Variants in CD9 observed in about 807,000 individuals in gnomAD.
CD9 encodes the protein CD9 antigen.
CD9 carries 10 observed loss-of-function variants against 31.4 expected under a neutral mutation model. That is an observed-to-expected ratio of 0.32 (90% confidence interval 0.20 to 0.54). The LOEUF is 0.54. CD9 is among the 20% of genes least tolerant of loss of function. The pLI, the probability that CD9 is intolerant of heterozygous loss-of-function variation, is 0.94. For synonymous variants in CD9, 113 were observed against 114.1 expected, an observed-to-expected ratio of 0.99 and a Z score of 0.06; for missense variants, 259 against 300.1, an observed-to-expected ratio of 0.86 and a Z score of 1.01.
intron 7 of CD9, 97 bp downstream of exon 7, chr12:6,236,372 C>A: frequency 9.3e-7 from 1 of 1,074,224 alleles, no homozygotes. Context: ...GTGCATTTGT[C>A]AACTCACTTT....
rs71450123 is a variant in CD9 at position 6,214,344 on chromosome 12, C to CTTTTTTTTTTT, written c.67-11068_67-11058dup. On this transcript the variant is annotated intron_variant, in intron 1 of 7. Coordinates refer to ENST00000009180, the MANE Select transcript of CD9 (RefSeq NM_001769.4). ...CAACCTGCAACTTGACCATTAGCCT[C>CTTTTTTTTTTT]TTTTTTTTTTTTTTTTTTTTTTTTG... 9.1e-4 allele frequency among the ~76,000 whole-genome samples: 61 copies of CTTTTTTTTTTT among 67,070 alleles called. 5 individuals carry two copies. The highest frequency in any genetic ancestry group is 1.2e-3 in the Non-Finnish European group (44 of 37,910). 44.0% of individuals were successfully genotyped at this position (67,070 alleles called of 152,430 possible). A position where few individuals can be genotyped will look rare whatever the true frequency, so the allele number is the denominator to read the frequency against.
intron 1 of CD9, among the ~76,000 whole-genome samples, chr12:6,215,246 A>G (rs1432624897): frequency 1.3e-5 from 2 of 152,174 alleles, no homozygotes; most frequent in East Asian, 1.9e-4. Flanking sequence ...CCTCCCATCC[A>G]TGCCTTCAGG....
At chr12:6,218,312 AGTTT>A (rs991210961) in intron 1 of CD9, among the ~76,000 whole-genome samples, 1 of 152,130 alleles carries the variant, frequency 6.6e-6, no homozygotes, top group Non-Finnish European at 1.5e-5. Flanking sequence ...AAGAGCACCC[AGTTT>A]GTTTGACCAC....
intron 1 of CD9, among the ~76,000 whole-genome samples, chr12:6,218,249 C>T (rs893997454): frequency 6.6e-6 from 1 of 151,962 alleles, no homozygotes. Flanking sequence ...AGTGTATGGC[C>T]AGTCAGTACA....
Position 6,225,527 on chromosome 12 carries a change from C to T in CD9, c.168C>T (p.Phe56=). The change falls in exon 2 of 8, where the codon TTC becomes TTT. Residue 56 remains phenylalanine, a synonymous_variant. Transcript: ENST00000009180. ...AAACTAATAATAATAATTCCAGCTTCTACACAGGTGAGGGACGGGGAAGGC... is the reference window on the plus strand; with the variant it reads ...AAACTAATAATAATAATTCCAGCTTTTACACAGGTGAGGGACGGGGAAGGC... ...EQETNNNNSS[F]YTGVYILIGA... 6.3e-7 allele frequency: 1 copy of T among 1,597,886 alleles called. No homozygotes were observed. The highest frequency in any genetic ancestry group is 8.6e-7 in the Non-Finnish European group (1 of 1,165,188).
chr12:6,215,597 G>A lies in CD9; in HGVS notation c.67-9829G>A, dbSNP rs79653304. Among the ~76,000 whole-genome samples, 15 of 152,304 alleles carry A rather than the reference G, an allele frequency of 9.8e-5. No individual in the cohort carries two copies. The East Asian group carries it at 2.9e-3, about 29-fold the overall frequency. The stretch of plus-strand genomic sequence containing the variant: ...TGAAGATAAGAATTTCTGAAGGTTT[G>A]AGCACTGCCTTCAGACAGTGGCTCG... On this transcript the variant is annotated intron_variant, in intron 1 of 7. Transcript: ENST00000009180.
At chr12:6,236,892 T>C (rs992740041) in intron 7 of CD9, among the ~76,000 whole-genome samples, 1 of 151,478 alleles carries the variant, frequency 6.6e-6, no homozygotes, top group African/African-American at 2.4e-5. Context: ...GCCTCCTTTC[T>C]TAGTGGTTAT....
intron 2 of CD9, among the ~76,000 whole-genome samples, chr12:6,230,688 G>T (rs1467974132): frequency 1.3e-5 from 2 of 152,210 alleles, no homozygotes; most frequent in African/African-American, 4.8e-5. Context: ...CTTACCCAGT[G>T]CTCCATGCAT....
At position 6,237,700 on chromosome 12, in the gene CD9, C is replaced by T. The variant is rs11568274; in HGVS notation, c.622-63C>T. 2.9e-3 allele frequency: 3,757 copies of T among 1,287,736 alleles called. 82 individuals carry two copies. In the African/African-American group the frequency reaches 0.047, roughly 16 times the overall value. 79.8% of individuals were successfully genotyped at this position (1,287,736 alleles called of 1,614,324 possible). A position where few individuals can be genotyped will look rare whatever the true frequency, so the allele number is the denominator to read the frequency against. On this transcript the variant is annotated intron_variant, in intron 7 of 7. Transcript: ENST00000009180. ...TGGACTGGGTGACCCATGTCTCTCC[C>T]TTTCCCTCAGCCTTCCTTCAGATCA...
chr12:6,236,482 T>C, intron 7 of CD9: 1 of 589,158 alleles, frequency 1.7e-6, no homozygotes, highest in Non-Finnish European at 3.0e-6. Context: ...GTGGAGTATC[T>C]GAGGCTCCCC....
intron 4 of CD9, among the ~76,000 whole-genome samples, chr12:6,234,696 C>T (rs375438085): frequency 6.6e-6 from 1 of 152,224 alleles, no homozygotes; most frequent in South Asian, 2.1e-4. Context: ...ATAGCTGGCA[C>T]GTGCTCCAGA....
intron 1 of CD9, among the ~76,000 whole-genome samples, chr12:6,220,281 TGAACTCGG>T (rs1591970230): frequency 1.3e-5 from 2 of 152,194 alleles, no homozygotes; most frequent in Admixed American, 1.3e-4. Flanking sequence ...TGCACGAGGC[TGAACTCGG>T]GAAACTTGGA....
intron 1 of CD9, among the ~76,000 whole-genome samples, chr12:6,208,795 C>T (rs2136604062): frequency 6.6e-6 from 1 of 152,110 alleles, no homozygotes; most frequent in South Asian, 2.1e-4. Context: ...AACTCCTGAC[C>T]TCAGGTGATC....
At chr12:6,212,732 G>A (rs996558208) in intron 1 of CD9, among the ~76,000 whole-genome samples, 12 of 152,336 alleles carry the variant, frequency 7.9e-5, no homozygotes, top group Admixed American at 6.5e-4. Flanking sequence ...TGTATGGGTT[G>A]TGGGGTAGGT....
intron 1 of CD9, among the ~76,000 whole-genome samples, chr12:6,214,812 T>G (rs1946228079): frequency 6.6e-6 from 1 of 152,046 alleles, no homozygotes; most frequent in Non-Finnish European, 1.5e-5. Context: ...TGTGGGAGCC[T>G]CTCACGGGCC....
chr12:6,235,239 A>G lies in CD9; in HGVS notation c.359A>G (p.Glu120Gly). The change falls in exon 5 of 8, where the codon GAA becomes GGA. Residue 120 changes from glutamate (E) to glycine (G), a missense_variant. Coordinates refer to ENST00000009180, the MANE Select transcript of CD9 (RefSeq NM_001769.4). Reference protein sequence around the residue: ...GYSHKDEVIKEVQEFYKDTYN... With the variant: ...GYSHKDEVIKGVQEFYKDTYN... Reference sequence around the variant, plus strand: ...GTCTGCCCATTGTAGGTGATTAAGGAAGTCCAGGAGTTTTACAAGGACACC... The same window carrying G: ...GTCTGCCCATTGTAGGTGATTAAGGGAGTCCAGGAGTTTTACAAGGACACC... 6.2e-7 allele frequency: 1 copy of G among 1,605,494 alleles called. No homozygotes were observed. Among genetic ancestry groups the G allele is most frequent in the Non-Finnish European group, 8.5e-7 (1 of 1,172,570 alleles).
In CD9 at chr12:6,208,548, G is replaced by GT. The variant is rs572201694; in HGVS notation, c.66+7991dup. 1.6e-3 allele frequency among the ~76,000 whole-genome samples: 243 copies of GT among 152,002 alleles called. 1 individual carries two copies. The highest frequency in any genetic ancestry group is 6.8e-3 in the Middle Eastern group (2 of 294). On this transcript the variant is annotated intron_variant, in intron 1 of 7. Transcript: ENST00000009180. ...ATTCAAAACCTATTCAAGGATTTTA[G>GT]TTTTTTTTGTTTGTTTGTTTGTTTT...
chr12:6,204,499 T>C (rs1946109302), intron 1 of CD9, among the ~76,000 whole-genome samples: 1 of 152,200 alleles, frequency 6.6e-6, no homozygotes, highest in African/African-American at 2.4e-5. Flanking sequence ...AGAGCCCAGC[T>C]GGTGCTTTTC....
intron 2 of CD9, among the ~76,000 whole-genome samples, chr12:6,227,389 G>A (rs1424960145): frequency 6.6e-6 from 1 of 151,962 alleles, no homozygotes; most frequent in Non-Finnish European, 1.5e-5. Context: ...GTACAGACGG[G>A]GTTTCTCCAT....
Sources: gnomAD v4.1 joint callset for allele counts (sites outside exome capture counted in the v4.1 genomes callset) on GRCh38, gnomAD v4.1.1 for gene constraint, MANE v1.5 for transcripts, NCBI Gene and HGNC (gene_info 2026-07-23, HGNC 2026-07-21) for gene names.